Variants in C3orf49 observed in about 807,000 individuals in gnomAD.
The protein encoded by C3orf49 is chromosome 3 open reading frame 49.
Under a neutral mutation model 13.3 loss-of-function variants are expected in C3orf49, and 27 were observed. The observed-to-expected ratio is 2.02, with a 90% CI of 1.49 to 2.79. The LOEUF (loss-of-function observed/expected upper bound fraction) is 2.79. Ranked by LOEUF, C3orf49 falls within the 30% of genes most tolerant of loss-of-function variation. The pLI, the probability that C3orf49 is intolerant of heterozygous loss-of-function variation, is 0.00. For missense variants in C3orf49, 242 were observed against 134.2 expected (o/e 1.80, Z -3.97); for synonymous variants, 87 against 47.6 (o/e 1.83, Z -3.40).
At chr3:63,788,215 A>G in the C3orf49 span, among the ~76,000 whole-genome samples, 4 of 151,954 alleles carry the variant, frequency 2.6e-5, no homozygotes, top group Admixed American at 1.3e-4. Flanking sequence ...AGATAATGCT[A>G]GCCCATCTTA....
At chr3:63,840,074 C>T (rs767984210) in intron 5 of C3orf49, among the ~76,000 whole-genome samples, 1 of 152,022 alleles carries the variant, frequency 6.6e-6, no homozygotes, top group African/African-American at 2.4e-5. Flanking sequence ...GAAAAGACAT[C>T]GTTACAGAGT....
intron 6 of C3orf49, 132 bp downstream of exon 6, chr3:63,845,214 G>T: frequency 4.2e-6 from 2 of 472,440 alleles, no homozygotes; most frequent in Non-Finnish European, 3.8e-6. Flanking sequence ...TGGCTTTGGG[G>T]GTATCAAGAT....
At chr3:63,826,803 T>C (rs1346234689) in intron 2 of C3orf49, 5 of 152,056 alleles carry the variant, frequency 3.3e-5, no homozygotes, top group African/African-American at 1.2e-4. Context: ...GTGACCCCCT[T>C]TTTTAAGAAA....
At chr3:63,814,705 G>T (rs1701304672), upstream of C3orf49, among the ~76,000 whole-genome samples, 3 of 152,044 alleles carry the variant, frequency 2.0e-5, no homozygotes, top group South Asian at 2.1e-4. Context: ...TGACTGATGG[G>T]GGACTCCTGA....
At position 63,819,520 on chromosome 3, in the gene C3orf49, A is replaced by T; in HGVS notation, c.49A>T (p.Arg17Ter). The T allele has an allele frequency of 1.4e-6, 1 of 703,196 alleles. No individual in the cohort carries two copies. Among genetic ancestry groups the T allele is most frequent in the Non-Finnish European group, 2.6e-6 (1 of 385,006 alleles). 43.6% of individuals were successfully genotyped at this position (703,196 alleles called of 1,614,324 possible). A position where few individuals can be genotyped will look rare whatever the true frequency, so the allele number is the denominator to read the frequency against. Residue 17 changes from arginine to a stop codon, truncating the protein, a stop_gained, in exon 1 of 7, where the codon AGA becomes TGA. Coordinates refer to ENST00000295896, the MANE Select transcript of C3orf49 (RefSeq NM_001355236.2). LOFTEE classifies it high-confidence loss of function. The part of the protein sequence containing the change: ...YLPEPFKIAY[R>*]KVGQCRRFQQ... ...ACCAGAACCCTTTAAGATTGCCTAC[A>T]GAAAAGTTGGACAGTGCCGAAGATT...
intron 3 of C3orf49, among the ~76,000 whole-genome samples, chr3:63,829,685 G>C (rs1439089386): frequency 6.6e-6 from 1 of 152,146 alleles, no homozygotes; most frequent in African/African-American, 2.4e-5. Flanking sequence ...AATTGGCTGG[G>C]TGTGGTGGCT....
chr3:63,834,079 T>G, intron 5 of C3orf49: 2 of 1,581,652 alleles, frequency 1.3e-6, no homozygotes, highest in Non-Finnish European at 1.7e-6. Context: ...TTAAACACAT[T>G]ATGGTCATGT....
At position 63,831,157 on chromosome 3, in the gene C3orf49, AAAG is replaced by A; in HGVS notation, c.622_624del (p.Lys208del). On this transcript the variant is annotated inframe_deletion, in exon 4 of 7. Coordinates refer to ENST00000295896, the MANE Select transcript of C3orf49 (RefSeq NM_001355236.2). ...GACCACACTTTCCAGCACTTAAAAAAAAGAAGCGTGGCATGGAAAACATCCTTC... is the reference window on the plus strand; with the variant it reads ...GACCACACTTTCCAGCACTTAAAAAAAAGCGTGGCATGGAAAACATCCTTC... The A allele has an allele frequency of 1.4e-6, 1 of 703,090 alleles. No individual in the cohort carries two copies. Among genetic ancestry groups the A allele is most frequent in the Non-Finnish European group, 2.6e-6 (1 of 385,010 alleles). 43.6% of individuals were successfully genotyped at this position (703,090 alleles called of 1,614,324 possible).
At chr3:63,787,862 G>T in the C3orf49 span, among the ~76,000 whole-genome samples, 3 of 152,154 alleles carry the variant, frequency 2.0e-5, no homozygotes, top group Non-Finnish European at 4.4e-5. Flanking sequence ...AGATTACTGG[G>T]GAGAATGTGT....
At chr3:63,817,931 A>G (rs1273237990), upstream of C3orf49, among the ~76,000 whole-genome samples, 2 of 152,196 alleles carry the variant, frequency 1.3e-5, no homozygotes, top group African/African-American at 4.8e-5. Context: ...TAATTGCATG[A>G]AAAATATTGC....
At chr3:63,796,643 A>G in the C3orf49 span, among the ~76,000 whole-genome samples, 1 of 152,178 alleles carries the variant, frequency 6.6e-6, no homozygotes, top group East Asian at 1.9e-4. Context: ...ATGACTTTAT[A>G]GATAGTGTGG....
Position 63,844,889 on chromosome 3 carries a change from G to T in C3orf49, c.850-134G>T, listed in dbSNP as rs80331968. The T allele has an allele frequency of 9.6e-3, 4,903 of 508,292 alleles. 39 individuals are homozygous for T. The highest frequency in any genetic ancestry group is 0.025 in the Middle Eastern group (60 of 2,378). The allele number at this position is 508,292 out of a possible 1,614,324, so 31.5% of individuals were successfully genotyped here. On this transcript the variant is annotated intron_variant, in intron 5 of 6. Coordinates refer to ENST00000295896, the MANE Select transcript of C3orf49 (RefSeq NM_001355236.2). ...ACAGCCTTGGAAAACAGAGTAAGAC[G>T]GAAAATTGTACTGGCAGTGTGGCTG...
intron 3 of C3orf49, among the ~76,000 whole-genome samples, chr3:63,828,021 A>C (rs1312933649): frequency 6.6e-6 from 1 of 152,228 alleles, no homozygotes; most frequent in Non-Finnish European, 1.5e-5. Context: ...CTATCTGTGC[A>C]TACTATGTGG....
chr3:63,804,403 A>C, the C3orf49 span, among the ~76,000 whole-genome samples: 1 of 152,088 alleles, frequency 6.6e-6, no homozygotes, highest in Non-Finnish European at 1.5e-5. Context: ...TTTGCAGTAT[A>C]ATCTCCCACG....
the C3orf49 span, among the ~76,000 whole-genome samples, chr3:63,783,324 A>G: frequency 1.3e-5 from 2 of 152,158 alleles, no homozygotes; most frequent in Non-Finnish European, 2.9e-5. Flanking sequence ...CTACAAGAAG[A>G]TTATCTATGA....
chr3:63,816,764 C>CTTTTTTTTTTTTTTTTTTTT (rs757549553), upstream of C3orf49, among the ~76,000 whole-genome samples: 5 of 80,700 alleles, frequency 6.2e-5, no homozygotes, highest in African/African-American at 2.0e-4. Context: ...ATTTTCTTTT[C>CTTTTTTTTTTTTTTTTTTTT]TTTTCTTTTT....
intron 5 of C3orf49, chr3:63,838,622 T>A: frequency 1.0e-6 from 1 of 983,476 alleles, no homozygotes; most frequent in Non-Finnish European, 1.5e-6. Context: ...CATTTGCTTA[T>A]TTAAAATTTA....
chr3:63,784,033 G>C, the C3orf49 span, among the ~76,000 whole-genome samples: 1 of 152,110 alleles, frequency 6.6e-6, no homozygotes, highest in African/African-American at 2.4e-5. Context: ...TTAAAGGTCT[G>C]CTCAGTGACC....
chr3:63,804,265 G>A, the C3orf49 span, among the ~76,000 whole-genome samples: 797 of 152,240 alleles, frequency 5.2e-3, 29 homozygotes, highest in Admixed American at 0.045. Context: ...CAATCAGCCT[G>A]CCTAAACTTT....
Sources: allele counts gnomAD v4.1 joint callset (sites outside exome capture counted in the v4.1 genomes callset), GRCh38; gene constraint gnomAD v4.1.1; transcripts MANE v1.5; gene names NCBI Gene and HGNC (gene_info 2026-07-23, HGNC 2026-07-21).